RALGAPA2: variants seen among roughly 807,000 people sequenced by gnomAD.
The protein encoded by RALGAPA2 is Ral GTPase activating protein catalytic subunit alpha 2.
Under a neutral mutation model 230.4 loss-of-function variants are expected in RALGAPA2, and 139 were observed. The ratio of observed to expected loss-of-function variants is 0.60; its 90% CI spans 0.53 to 0.69. The LOEUF (loss-of-function observed/expected upper bound fraction) is 0.69. Ranked by LOEUF, RALGAPA2 falls within the 30% of genes least tolerant of loss-of-function variation. The pLI is 0.00. For synonymous variants in RALGAPA2, 847 were observed against 837.8 expected (o/e 1.01, Z -0.19); for missense variants, 2,163 against 2,276.0 (o/e 0.95, Z 1.01).
intron 38 of RALGAPA2, among the ~76,000 whole-genome samples, chr20:20,402,550 C>G (rs1569363794): frequency 1.3e-5 from 2 of 152,214 alleles, no homozygotes; most frequent in East Asian, 3.9e-4. Flanking sequence ...CAATCCAGGA[C>G]AGGGGCTATG....
chr20:20,469,266 C>T (rs778965780), intron 37 of RALGAPA2, among the ~76,000 whole-genome samples: 1 of 151,972 alleles, frequency 6.6e-6, no homozygotes, highest in Non-Finnish European at 1.5e-5. Context: ...AAAGATCTGT[C>T]CAGGAAAAAG....
chr20:20,628,102 A>G (rs2066547793), intron 10 of RALGAPA2, among the ~76,000 whole-genome samples: 1 of 152,166 alleles, frequency 6.6e-6, no homozygotes, highest in South Asian at 2.1e-4. Flanking sequence ...CTAAACAAAC[A>G]TTTTCTTAAG....
intron 38 of RALGAPA2, among the ~76,000 whole-genome samples, chr20:20,404,517 A>C (rs73288531): frequency 6.6e-6 from 1 of 152,302 alleles, no homozygotes; most frequent in East Asian, 1.9e-4. Flanking sequence ...GAGGTTGTGC[A>C]TGCACCACCT....
intron 1 of RALGAPA2, among the ~76,000 whole-genome samples, chr20:20,684,381 T>C (rs996623051): frequency 6.6e-6 from 1 of 152,130 alleles, no homozygotes; most frequent in African/African-American, 2.4e-5. Context: ...CCTCATTCCC[T>C]CAGACACTCA....
At chr20:20,545,362 T>G (rs1217739929) in intron 24 of RALGAPA2, among the ~76,000 whole-genome samples, 1 of 152,180 alleles carries the variant, frequency 6.6e-6, no homozygotes, top group East Asian at 1.9e-4. Context: ...CCACCATGCC[T>G]GGCCTCTTCT....
At position 20,634,477 on chromosome 20, in the gene RALGAPA2, C is replaced by G. The variant is rs546191418; in HGVS notation, c.1005+941G>C. 2.6e-5 allele frequency among the ~76,000 whole-genome samples: 4 copies of G among 152,286 alleles called. No homozygotes were observed. The East Asian group carries it at 5.8e-4, about 22-fold the overall frequency. On this transcript the variant is annotated intron_variant, in intron 9 of 39. Transcript: ENST00000202677. ...CTCCCTCAGATCTTAAAAATAAGTT[C>G]TCCTCTAACTCTTCAGTGACTTCTC...
chr20:20,402,948 C>A (rs944634747), intron 38 of RALGAPA2, among the ~76,000 whole-genome samples: 2 of 152,206 alleles, frequency 1.3e-5, no homozygotes, highest in African/African-American at 4.8e-5. Flanking sequence ...GGAGGCTGGG[C>A]TCCTTGTTCC....
At chr20:20,442,123 TTCACTTC>T (rs1465324234) in intron 37 of RALGAPA2, among the ~76,000 whole-genome samples, 22 of 152,306 alleles carry the variant, frequency 1.4e-4, no homozygotes, top group African/African-American at 5.3e-4. Flanking sequence ...GGGGTGTGAA[TTCACTTC>T]TCACTTGATG....
intron 10 of RALGAPA2, among the ~76,000 whole-genome samples, chr20:20,621,460 C>CTTT (rs753951151): frequency 7.1e-6 from 1 of 141,298 alleles, no homozygotes; most frequent in African/African-American, 2.6e-5. Context: ...GACTTTGTTT[C>CTTT]TTTTTTTTTT....
At chr20:20,406,271 G>T (rs1230052727) in intron 38 of RALGAPA2, among the ~76,000 whole-genome samples, 1 of 152,060 alleles carries the variant, frequency 6.6e-6, no homozygotes, top group Non-Finnish European at 1.5e-5. Context: ...AGCTTCACAG[G>T]GGATTCCAAT....
At chr20:20,509,354 CA>C (rs1428078257) in intron 33 of RALGAPA2, among the ~76,000 whole-genome samples, 1 of 152,156 alleles carries the variant, frequency 6.6e-6, no homozygotes, top group East Asian at 1.9e-4. Context: ...AGTCAGGAAA[CA>C]AAGACATTTA....
intron 37 of RALGAPA2, among the ~76,000 whole-genome samples, chr20:20,469,091 T>C (rs2123361933): frequency 6.6e-6 from 1 of 152,296 alleles, no homozygotes; most frequent in African/African-American, 2.4e-5. Flanking sequence ...GGCCCCTCAT[T>C]TGGAGTATCT....
chr20:20,632,845 G>C lies in RALGAPA2; in HGVS notation c.1005+2573C>G, dbSNP rs572000572. ...TTGTTTGTCTTCTTACCAGTCCATG[G>C]GTACTCTTTACATAGCAGAGATATT... On this transcript the variant is annotated intron_variant, in intron 9 of 39. Transcript: ENST00000202677. Among the ~76,000 whole-genome samples the C allele has an allele frequency of 3.3e-5, 5 of 152,076 alleles. No homozygotes were observed. The South Asian group carries it at 1.0e-3, about 32-fold the overall frequency.
chr20:20,634,462 TCTTAAA>T (rs1333601942), intron 9 of RALGAPA2, among the ~76,000 whole-genome samples: 10 of 152,170 alleles, frequency 6.6e-5, no homozygotes, highest in Non-Finnish European at 1.2e-4. Context: ...CTCCCTCAGA[TCTTAAA>T]AATAAGTTCT....
intron 33 of RALGAPA2, among the ~76,000 whole-genome samples, chr20:20,507,483 C>T (rs1466025816): frequency 1.3e-5 from 2 of 152,104 alleles, no homozygotes; most frequent in East Asian, 3.8e-4. Context: ...GCTGGGACTA[C>T]AGGTGCATGC....
chr20:20,711,949 T>TG (rs2069890112), intron 1 of RALGAPA2, among the ~76,000 whole-genome samples: 1 of 151,992 alleles, frequency 6.6e-6, no homozygotes, highest in African/African-American at 2.4e-5. Context: ...AGGTCTGTGC[T>TG]GGGTTCACTT....
At chr20:20,632,252 G>T (rs996383923) in intron 9 of RALGAPA2, among the ~76,000 whole-genome samples, 4 of 151,770 alleles carry the variant, frequency 2.6e-5, no homozygotes, top group African/African-American at 9.7e-5. Context: ...GGATGGTCTC[G>T]ATCTCCTGAC....
chr20:20,691,738 G>C (rs1429021942), intron 1 of RALGAPA2, among the ~76,000 whole-genome samples: 2 of 152,210 alleles, frequency 1.3e-5, no homozygotes, highest in East Asian at 3.9e-4. Flanking sequence ...GGGGAGCCTA[G>C]AATCCTGACA....
rs1275849908 is a variant in RALGAPA2, at chr20:20,524,375, T to G, written c.3900+31A>C. On this transcript the variant is annotated intron_variant, in intron 30 of 39. Coordinates refer to ENST00000202677, the MANE Select transcript of RALGAPA2 (RefSeq NM_020343.4). ...GGTTCTCTGTCATATAAACCCACACTCCATTCCCCCAGGCCCAGGTGTAGA... is the reference window on the plus strand; with the variant it reads ...GGTTCTCTGTCATATAAACCCACACGCCATTCCCCCAGGCCCAGGTGTAGA... 3 of 1,612,834 alleles carry G rather than the reference T, an allele frequency of 1.9e-6. No individual in the cohort carries two copies. The African/African-American group carries it at 4.0e-5, about 22-fold the overall frequency.
Sources: allele counts gnomAD v4.1 joint callset (sites outside exome capture counted in the v4.1 genomes callset), GRCh38; gene constraint gnomAD v4.1.1; transcripts MANE v1.5; gene names NCBI Gene and HGNC (gene_info 2026-07-23, HGNC 2026-07-21).